The following CDC42BPA variants were observed in gnomAD, a reference collection of about 807,000 sequenced individuals.
CDC42BPA encodes serine/threonine-protein kinase MRCK alpha.
CDC42BPA carries 80 observed loss-of-function variants against 223.5 expected under a neutral mutation model. The observed-to-expected ratio is 0.36, with a 90% CI of 0.30 to 0.43. The LOEUF is 0.43. Ranked by LOEUF, CDC42BPA falls within the 20% of genes least tolerant of loss-of-function variation. The pLI is 1.00. For missense variants in CDC42BPA, 1,743 were observed against 2,099.9 expected (o/e 0.83, Z 3.32); for synonymous variants, 694 against 718.6 (o/e 0.97, Z 0.55).
chr1:227,031,611 A>G, intron 27 of CDC42BPA, 97 bp from the exon 28 acceptor site: 3 of 912,552 alleles, frequency 3.3e-6, no homozygotes, highest in Non-Finnish European at 5.1e-6. Context: ...CACCAATAAA[A>G]TAAGCATTCA....
chr1:227,286,899 A>G (rs1478060596), intron 1 of CDC42BPA, among the ~76,000 whole-genome samples: 1 of 152,152 alleles, frequency 6.6e-6, no homozygotes, highest in African/African-American at 2.4e-5. Flanking sequence ...CAAGAGCGGG[A>G]GCAATGGGGA....
At chr1:227,282,112 CG>C (rs1688104002) in intron 1 of CDC42BPA, among the ~76,000 whole-genome samples, 1 of 150,102 alleles carries the variant, frequency 6.7e-6, no homozygotes, top group African/African-American at 2.5e-5. Flanking sequence ...CACTTGAACC[CG>C]GGAGGCAGAG....
intron 14 of CDC42BPA, among the ~76,000 whole-genome samples, chr1:227,104,057 A>T (rs1409078455): frequency 6.6e-6 from 1 of 152,132 alleles, no homozygotes; most frequent in East Asian, 1.9e-4. Context: ...CTGTGCAGAG[A>T]GTTTTATGAA....
At chr1:227,166,351 G>A (rs569819183) in intron 5 of CDC42BPA, among the ~76,000 whole-genome samples, 2 of 152,214 alleles carry the variant, frequency 1.3e-5, no homozygotes, top group East Asian at 3.9e-4. Flanking sequence ...TGTTTTGGGG[G>A]TGAGGCAATA....
intron 2 of CDC42BPA, among the ~76,000 whole-genome samples, chr1:227,243,681 CCATTAA>C (rs762470020): frequency 1.1e-4 from 17 of 151,904 alleles, no homozygotes; most frequent in Admixed American, 6.6e-4. Flanking sequence ...TAATTGCACT[CCATTAA>C]CATTAAGAAT....
At position 227,193,063 on chromosome 1, in the gene CDC42BPA, CTT is replaced by C. The variant is rs1160548241; in HGVS notation, c.599+721_599+722del. Among the ~76,000 whole-genome samples, 533 of 116,960 alleles carry C rather than the reference CTT, an allele frequency of 4.6e-3. 1 individual carries two copies. The highest frequency in any genetic ancestry group is 0.018 in the African/African-American group (500 of 28,160). 76.7% of individuals were successfully genotyped at this position (116,960 alleles called of 152,430 possible). ...TAGAAATGCTGACTGGAAGTGAGAA[CTT>C]TTTTTTTTTTTTTTTTTTTTGGAGA... On this transcript the variant is annotated intron_variant, in intron 5 of 36. Coordinates refer to ENST00000366766, the MANE Select transcript of CDC42BPA (RefSeq NM_001394014.1).
chr1:227,128,966 C>A, intron 11 of CDC42BPA, 143 bp downstream of exon 11: 1 of 612,820 alleles, frequency 1.6e-6, no homozygotes, highest in East Asian at 2.9e-5. Flanking sequence ...GAGAGCAGAA[C>A]CCATTCTTAT....
At chr1:227,109,554 C>T (rs1184665035) in intron 14 of CDC42BPA, among the ~76,000 whole-genome samples, 2 of 151,902 alleles carry the variant, frequency 1.3e-5, no homozygotes, top group African/African-American at 4.8e-5. Flanking sequence ...TTAGTAGAGA[C>T]GGGGTTTCAC....
At chr1:227,265,247 T>C in intron 1 of CDC42BPA, 1 of 551,060 alleles carries the variant, frequency 1.8e-6, no homozygotes. Flanking sequence ...GTTAGTTTGA[T>C]TGCCGCTTAG....
At chr1:227,145,887 A>G in intron 7 of CDC42BPA, 150 bp from the exon 8 acceptor site, 1 of 578,832 alleles carries the variant, frequency 1.7e-6, no homozygotes, top group Non-Finnish European at 2.9e-6. Flanking sequence ...AAAGGAATAC[A>G]GGGATGAATG....
intron 1 of CDC42BPA, chr1:227,265,124 A>G (rs1422949777): frequency 5.2e-6 from 4 of 762,730 alleles, no homozygotes; most frequent in Non-Finnish European, 9.8e-6. Context: ...AGAAACTTTA[A>G]CATGCTGTGT....
chr1:227,062,576 T>A (rs1343895), intron 21 of CDC42BPA, among the ~76,000 whole-genome samples: 42,914 of 151,874 alleles, frequency 0.28, 6,228 homozygotes, highest in African/African-American at 0.34. Flanking sequence ...GTATTGTATT[T>A]TGCTTAGCAT....
chr1:227,127,356 A>T (rs1461431967), intron 11 of CDC42BPA, among the ~76,000 whole-genome samples: 2 of 152,216 alleles, frequency 1.3e-5, no homozygotes, highest in Non-Finnish European at 2.9e-5. Context: ...ATGACATAAC[A>T]ACTAGATTGT....
Position 227,148,748 on chromosome 1 carries a change from CAG to C in CDC42BPA, c.694-1191_694-1190del, listed in dbSNP as rs1346248583. 4.0e-5 allele frequency among the ~76,000 whole-genome samples: 4 copies of C among 99,388 alleles called. No homozygotes were observed. The East Asian group carries it at 1.3e-3, about 33-fold the overall frequency. 65.2% of individuals were successfully genotyped at this position (99,388 alleles called of 152,430 possible). On this transcript the variant is annotated intron_variant, in intron 6 of 36. Transcript: ENST00000366766. ...CGCCACTGCACTCCAGCCTGGGCGA[CAG>C]AGCAAGACTCGGTCTCAAAAGCAAA...
At chr1:227,081,577 C>T (rs578137679) in intron 16 of CDC42BPA, among the ~76,000 whole-genome samples, 1 of 152,058 alleles carries the variant, frequency 6.6e-6, no homozygotes, top group South Asian at 2.1e-4. Flanking sequence ...CTCAGCCTCC[C>T]CAGTAGCTGG....
chr1:227,118,705 C>T (rs543139699), intron 12 of CDC42BPA, among the ~76,000 whole-genome samples: 12 of 151,838 alleles, frequency 7.9e-5, no homozygotes, highest in South Asian at 4.2e-4. Flanking sequence ...AGCATAACGC[C>T]GATTATGTTA....
intron 11 of CDC42BPA, among the ~76,000 whole-genome samples, chr1:227,125,870 TATTTA>T (rs1689495482): frequency 6.6e-6 from 1 of 152,154 alleles, no homozygotes; most frequent in Admixed American, 6.5e-5. Flanking sequence ...ATTTACAGCA[TATTTA>T]ATTTTACTTT....
At chr1:227,311,562 AAAAC>A (rs1042441381) in intron 1 of CDC42BPA, among the ~76,000 whole-genome samples, 4 of 152,158 alleles carry the variant, frequency 2.6e-5, no homozygotes, top group Admixed American at 2.6e-4. Context: ...CTCAAACTCA[AAAAC>A]GTATATACCT....
chr1:227,053,638 G>A (rs906588748), intron 21 of CDC42BPA, among the ~76,000 whole-genome samples: 1 of 152,016 alleles, frequency 6.6e-6, no homozygotes, highest in Admixed American at 6.6e-5. Flanking sequence ...TCCTACCAGA[G>A]GCATCTCCAC....
Sources: gnomAD v4.1 joint callset for allele counts (sites outside exome capture counted in the v4.1 genomes callset) on GRCh38, gnomAD v4.1.1 for gene constraint, MANE v1.5 for transcripts, NCBI Gene and HGNC (gene_info 2026-07-23, HGNC 2026-07-21) for gene names.